MTMR3: variants seen among roughly 807,000 people sequenced by gnomAD.
MTMR3 encodes the protein phosphatidylinositol-3,5-bisphosphate 3-phosphatase MTMR3.
MTMR3 carries 32 observed loss-of-function variants against 132.4 expected under a neutral mutation model. That is an observed-to-expected ratio of 0.24 (90% CI 0.18 to 0.32). The LOEUF (loss-of-function observed/expected upper bound fraction) is 0.32, where lower values mean the gene tolerates loss of function less well. MTMR3 is among the 10% of genes least tolerant of loss of function. The pLI is 1.00. For missense variants in MTMR3, 1,216 were observed against 1,489.6 expected, an observed-to-expected ratio of 0.82 and a Z score of 3.02; for synonymous variants, 556 against 550.3, an observed-to-expected ratio of 1.01 and a Z score of -0.14.
intron 12 of MTMR3, 82 bp from the exon 13 acceptor site, chr22:30,012,286 C>A: frequency 6.9e-7 from 1 of 1,454,510 alleles, no homozygotes; most frequent in Non-Finnish European, 9.4e-7. Flanking sequence ...TTGGAAATTG[C>A]TTTTTCATTT....
rs946177188 is a variant in MTMR3, at chr22:30,026,647, C to T, written c.*846C>T. ...GTCAAAATGTTTATGCAGTCAAGGC[C>T]AAAGCCTGCCCTGAGCCCAGACACA... On this transcript the variant is annotated 3_prime_UTR_variant, in exon 20 of 20. Coordinates refer to ENST00000401950, the MANE Select transcript of MTMR3 (RefSeq NM_021090.4). 1 of 152,838 alleles carries T rather than the reference C, an allele frequency of 6.5e-6. No individual in the cohort carries two copies. The highest frequency in any genetic ancestry group is 2.4e-5 in the African/African-American group (1 of 41,434). 9.5% of individuals were successfully genotyped at this position (152,838 alleles called of 1,614,324 possible). A position where few individuals can be genotyped will look rare whatever the true frequency, so the allele number is the denominator to read the frequency against.
At chr22:29,945,177 G>A (rs763860564) in intron 1 of MTMR3, among the ~76,000 whole-genome samples, 9 of 152,032 alleles carry the variant, frequency 5.9e-5, no homozygotes, top group African/African-American at 9.7e-5. Flanking sequence ...GAGGCCTGGC[G>A]AATTTTTCAT....
At chr22:29,894,503 CGTGTGTGTGTGTGTGTGTGTGT>C (rs144670905) in intron 1 of MTMR3, among the ~76,000 whole-genome samples, 1 of 147,176 alleles carries the variant, frequency 6.8e-6, no homozygotes, top group Non-Finnish European at 1.5e-5. Context: ...GTTCTGTATC[CGTGTGTGTGTGTGTGTGTGTGT>C]GTGTGTGTGT....
At chr22:29,893,130 T>C (rs1037660720) in intron 1 of MTMR3, among the ~76,000 whole-genome samples, 4 of 152,230 alleles carry the variant, frequency 2.6e-5, no homozygotes, top group Admixed American at 2.0e-4. Flanking sequence ...CTCCTGCATA[T>C]TTATTTACAC....
chr22:29,888,768 CTTTTTTTTTT>C (rs3049983), intron 1 of MTMR3, among the ~76,000 whole-genome samples: 6 of 101,880 alleles, frequency 5.9e-5, no homozygotes, highest in Non-Finnish European at 9.5e-5. Context: ...TTAGTTAATA[CTTTTTTTTTT>C]TTTTTTTTTT....
chr22:30,012,114 A>T (rs2145949489), intron 12 of MTMR3: 2 of 381,684 alleles, frequency 5.2e-6, no homozygotes, highest in South Asian at 4.0e-5. Flanking sequence ...CCGGGGAATC[A>T]TCCATACAGA....
intron 1 of MTMR3, among the ~76,000 whole-genome samples, chr22:29,897,862 T>C (rs1205947567): frequency 1.3e-5 from 2 of 152,262 alleles, no homozygotes; most frequent in East Asian, 1.9e-4. Flanking sequence ...CATGCACTTA[T>C]ATTCTTCCTA....
In MTMR3 at chr22:30,013,240, C is replaced by T. The variant is rs552108889; in HGVS notation, c.1318-116C>T. 1,021 of 1,042,506 alleles carry T rather than the reference C, an allele frequency of 9.8e-4. 3 individuals are homozygous for T. Among genetic ancestry groups the T allele is most frequent in the Non-Finnish European group, 1.3e-3 (943 of 715,330 alleles). The allele number at this position is 1,042,506 out of a possible 1,614,324, so 64.6% of individuals were successfully genotyped here. A position where few individuals can be genotyped will look rare whatever the true frequency, so the allele number is the denominator to read the frequency against. ...AGAGCCTTCCACCAAAGGGCAAGGC[C>T]GGGTGGGCTTTCTGGGAGGCTGTTA... On this transcript the variant is annotated intron_variant, in intron 13 of 19. Transcript: ENST00000401950.
intron 1 of MTMR3, among the ~76,000 whole-genome samples, chr22:29,900,699 T>A (rs1466225235): frequency 1.3e-5 from 2 of 152,196 alleles, no homozygotes; most frequent in Non-Finnish European, 2.9e-5. Flanking sequence ...GTGGGTTGAG[T>A]TCTTGAGCCT....
chr22:29,921,589 A>G (rs2065414664), intron 1 of MTMR3, among the ~76,000 whole-genome samples: 1 of 152,098 alleles, frequency 6.6e-6, no homozygotes, highest in South Asian at 2.1e-4. Flanking sequence ...AAATACTTTC[A>G]TATTTGTTGT....
At chr22:29,953,912 C>T (rs1206803081) in intron 1 of MTMR3, among the ~76,000 whole-genome samples, 6 of 152,102 alleles carry the variant, frequency 3.9e-5, no homozygotes, top group African/African-American at 1.4e-4. Context: ...TCTACTAATA[C>T]GTGAATGTTC....
chr22:30,000,588 G>A (rs2067151923), intron 8 of MTMR3: 1 of 152,130 alleles, frequency 6.6e-6, no homozygotes, highest in Non-Finnish European at 1.5e-5. Flanking sequence ...TCTGTTTGTG[G>A]CTAGCCGTCA....
At chr22:29,894,936 G>A (rs2064864811) in intron 1 of MTMR3, among the ~76,000 whole-genome samples, 1 of 152,216 alleles carries the variant, frequency 6.6e-6, no homozygotes, top group African/African-American at 2.4e-5. Flanking sequence ...GATTAGGCTG[G>A]ATGCAGTGGC....
intron 1 of MTMR3, among the ~76,000 whole-genome samples, chr22:29,940,470 G>A (rs1232718108): frequency 6.7e-6 from 1 of 149,972 alleles, no homozygotes; most frequent in African/African-American, 2.5e-5. Flanking sequence ...CAGCCTTGTT[G>A]CTCACACAAA....
chr22:29,975,460 T>C (rs1465934566), intron 3 of MTMR3, among the ~76,000 whole-genome samples: 1 of 152,220 alleles, frequency 6.6e-6, no homozygotes, highest in Non-Finnish European at 1.5e-5. Context: ...TCCGTTACAA[T>C]GTTTTCTTTG....
At chr22:29,927,397 G>A (rs767785442) in intron 1 of MTMR3, among the ~76,000 whole-genome samples, 1 of 152,160 alleles carries the variant, frequency 6.6e-6, no homozygotes, top group Non-Finnish European at 1.5e-5. Flanking sequence ...AAAGCTCACT[G>A]ATAGAAAGAT....
chr22:29,980,942 A>G (rs1439709095), intron 5 of MTMR3: 3 of 152,136 alleles, frequency 2.0e-5, no homozygotes, highest in Admixed American at 1.3e-4. Flanking sequence ...TCACATTTTT[A>G]CTTGTAAAAG....
chr22:30,002,183 C>T (rs947448307), intron 8 of MTMR3: 2 of 151,134 alleles, frequency 1.3e-5, no homozygotes, highest in Non-Finnish European at 1.5e-5. Flanking sequence ...AAGCTTATCC[C>T]CCCGCCCCCA....
chr22:29,946,567 A>G (rs2065957856), intron 1 of MTMR3, among the ~76,000 whole-genome samples: 1 of 152,228 alleles, frequency 6.6e-6, no homozygotes, highest in Non-Finnish European at 1.5e-5. Flanking sequence ...TGAGGGAACA[A>G]GGAATCCGGA....
Sources: allele counts gnomAD v4.1 joint callset (sites outside exome capture counted in the v4.1 genomes callset), GRCh38; gene constraint gnomAD v4.1.1; transcripts MANE v1.5; gene names NCBI Gene and HGNC (gene_info 2026-07-23, HGNC 2026-07-21).